The following PTPRS variants were observed in gnomAD, a reference collection of about 807,000 sequenced individuals.
PTPRS encodes receptor-type tyrosine-protein phosphatase S.
Under a neutral mutation model 215.3 loss-of-function variants are expected in PTPRS, and 63 were observed. That is an observed-to-expected ratio of 0.29 (90% CI 0.24 to 0.36). The LOEUF (loss-of-function observed/expected upper bound fraction) is 0.36, where lower values mean the gene tolerates loss of function less well. Ranked by LOEUF, PTPRS falls within the 10% of genes least tolerant of loss-of-function variation. The probability of loss-of-function intolerance (pLI) is 1.00; values close to 1 mark genes in which losing one functional copy is unlikely to be tolerated. For missense variants in PTPRS, 2,258 were observed against 2,825.8 expected, an observed-to-expected ratio of 0.80 and a Z score of 4.56; for synonymous variants, 1,404 against 1,191.4, an observed-to-expected ratio of 1.18 and a Z score of -3.68.
At chr19:5,304,340 C>T (rs894051450) in intron 1 of PTPRS, among the ~76,000 whole-genome samples, 2 of 151,982 alleles carry the variant, frequency 1.3e-5, no homozygotes, top group African/African-American at 2.4e-5. Flanking sequence ...AATAGCCAGG[C>T]GTGGTGGCAT....
At chr19:5,315,449 G>C (rs888491894) in intron 1 of PTPRS, among the ~76,000 whole-genome samples, 1 of 130,110 alleles carries the variant, frequency 7.7e-6, no homozygotes, top group Admixed American at 9.8e-5. Flanking sequence ...CCACAGCCTT[G>C]ACCTCCTGGC....
In PTPRS at chr19:5,211,992, G is replaced by T. The variant is rs150713717; in HGVS notation, c.5028C>A (p.His1676Gln). 3.7e-6 allele frequency: 6 copies of T among 1,610,974 alleles called. No individual in the cohort carries two copies. Among genetic ancestry groups the T allele is most frequent in the Non-Finnish European group, 5.1e-6 (6 of 1,179,120 alleles). ...TGAACTCGAGTTCCATGCCAGTGAC[G>T]TGTTCGCCAGGCTCCACCTGGGCCA... ...QKLAQVEPGE[H>Q]VTGMELEFKR... The change falls in exon 32 of 38, where the codon CAC (histidine) becomes CAA (glutamine). Residue 1676 changes from histidine (H) to glutamine (Q), a missense_variant. This residue lies in a region of PTPRS where 927 missense variants were observed against 1,125.9 expected (regional missense o/e 0.82). Coordinates refer to ENST00000262963, the MANE Select transcript of PTPRS (RefSeq NM_002850.4).
rs1222898882 is a variant in PTPRS, at chr19:5,210,280, C to T, written c.5487+189G>A. 6.6e-6 allele frequency among the ~76,000 whole-genome samples: 1 copy of T among 152,222 alleles called. No homozygotes were observed. The highest frequency in any genetic ancestry group is 1.5e-5 in the Non-Finnish European group (1 of 68,042). ...GTGAGTGGAGACACTGCAGGGTCAG[C>T]ACAGAGATAAGACCCTCTCTTCCAC... On this transcript the variant is annotated intron_variant, in intron 35 of 37. Transcript: ENST00000262963. The surrounding 1 kb of genome is among the most constrained non-coding windows in gnomAD (Gnocchi z 4.5).
chr19:5,224,321 G>T (rs1301985052), intron 17 of PTPRS, among the ~76,000 whole-genome samples: 1 of 151,672 alleles, frequency 6.6e-6, no homozygotes, highest in Non-Finnish European at 1.5e-5. Context: ...GCCGGCACTG[G>T]GCTAGGGGCG....
intron 1 of PTPRS, among the ~76,000 whole-genome samples, chr19:5,331,372 A>G (rs1268084418): frequency 6.6e-6 from 1 of 152,012 alleles, no homozygotes; most frequent in Non-Finnish European, 1.5e-5. Flanking sequence ...GGCTCAAGCA[A>G]TCCTCCCGCT....
intron 4 of PTPRS, among the ~76,000 whole-genome samples, chr19:5,267,924 C>T (rs1349560149): frequency 6.6e-6 from 1 of 152,100 alleles, no homozygotes; most frequent in Non-Finnish European, 1.5e-5. Flanking sequence ...AATCCCAGCA[C>T]TTTGAGAGGC....
chr19:5,238,655 C>A (rs2043697798), intron 13 of PTPRS, among the ~76,000 whole-genome samples: 1 of 152,244 alleles, frequency 6.6e-6, no homozygotes, highest in Admixed American at 6.5e-5. Context: ...AGATCAGCCA[C>A]TTCTCCTTGA....
At chr19:5,211,549 C>A in intron 33 of PTPRS, 41 bp downstream of exon 33, 2 of 1,579,478 alleles carry the variant, frequency 1.3e-6, no homozygotes, top group Non-Finnish European at 1.7e-6. Context: ...TAGAGATGGG[C>A]TCCTTCTGGG....
intron 1 of PTPRS, chr19:5,292,594 C>G (rs910075192): frequency 6.6e-6 from 1 of 152,452 alleles, no homozygotes; most frequent in African/African-American, 2.4e-5. Flanking sequence ...TTTCTTAAAG[C>G]CCCCCAACAA....
chr19:5,210,767 G>A lies in PTPRS; in HGVS notation c.5273C>T (p.Ala1758Val), dbSNP rs374377699. The change falls in exon 34 of 38, where the codon GCG becomes GTG. Residue 1758 changes from alanine to valine, a missense_variant. Physicochemically the swap from Ala to Val is moderately conservative, Grantham distance 64. Transcript: ENST00000262963. The surrounding 1 kb of genome is among the most constrained non-coding windows in gnomAD (Gnocchi z 4.5). ...GCGCCAGAAGTCTTCCGTGGTCTCC[G>A]CCAGCGGCCCCTGTGTCGCGATGTA... ...KAYIATQGPL[A>V]ETTEDFWRML... 7.4e-6 allele frequency: 12 copies of A among 1,613,964 alleles called. No individual in the cohort carries two copies. The highest frequency in any genetic ancestry group is 4.0e-5 in the African/African-American group (3 of 74,922).
chr19:5,250,829 G>T (rs1426783008), intron 9 of PTPRS, among the ~76,000 whole-genome samples: 1 of 151,412 alleles, frequency 6.6e-6, no homozygotes, highest in Non-Finnish European at 1.5e-5. Context: ...CGAGGGTAAA[G>T]GGGAGGAAGG....
Position 5,210,222 on chromosome 19 carries a change from C to T in PTPRS, c.5487+247G>A, listed in dbSNP as rs1219961182. On this transcript the variant is annotated intron_variant, in intron 35 of 37. Transcript: ENST00000262963. This position sits in a 1 kb window ranked among gnomAD's most constrained non-coding sequence, Gnocchi z 4.5. The stretch of plus-strand genomic sequence containing the variant: ...TCCAGAGGAAAGCCCCATTCACTTC[C>T]TTGAATATCATCCCCTGGGGCCATG... 6.6e-6 allele frequency among the ~76,000 whole-genome samples: 1 copy of T among 152,162 alleles called. No individual in the cohort carries two copies. Among genetic ancestry groups the T allele is most frequent in the Non-Finnish European group, 1.5e-5 (1 of 67,996 alleles).
chr19:5,228,361 A>AAAAAAAAAAAAAAAG lies in PTPRS; in HGVS notation c.2376+954_2376+955insCTTTTTTTTTTTTTT, dbSNP rs1555757601. 3.6e-3 allele frequency among the ~76,000 whole-genome samples: 520 copies of AAAAAAAAAAAAAAAG among 143,934 alleles called. 13 individuals are homozygous for AAAAAAAAAAAAAAAG. The highest frequency in any genetic ancestry group is 0.013 in the African/African-American group (498 of 37,812). 94.4% of individuals were successfully genotyped at this position (143,934 alleles called of 152,430 possible). On this transcript the variant is annotated intron_variant, in intron 16 of 37. Coordinates refer to ENST00000262963, the MANE Select transcript of PTPRS (RefSeq NM_002850.4). ...CTCCGTCTGGAGAAAAAAAAAAAAA[A>AAAAAAAAAAAAAAAG]AAGAGACAGGGTCTCCCTCTGCTGA...
chr19:5,211,324 T>A (rs4807695), intron 33 of PTPRS, among the ~76,000 whole-genome samples: 81,774 of 151,978 alleles, frequency 0.54, 22,237 homozygotes, highest in African/African-American at 0.61. Context: ...AAATAAGAAA[T>A]ATCCTCAGGG....
At chr19:5,225,882 C>G in intron 16 of PTPRS, 38 bp from the exon 17 acceptor site, 1 of 1,561,380 alleles carries the variant, frequency 6.4e-7, no homozygotes, top group Non-Finnish European at 8.8e-7. Context: ...ACGGCTGGGG[C>G]TGGGAGCAGC....
chr19:5,273,522 C>T lies in PTPRS; in HGVS notation c.299G>A (p.Arg100Gln). The T allele has an allele frequency of 1.2e-6, 2 of 1,614,178 alleles. No homozygotes were observed. Among genetic ancestry groups the T allele is most frequent in the Non-Finnish European group, 1.7e-6 (2 of 1,180,020 alleles). The stretch of plus-strand genomic sequence containing the variant: ...CACACACTCGTACACGTTTTCATCC[C>T]GCGGTGTCCTCAGCGGCTGGATCCT... Reference protein sequence around the residue: ...VLRIQPLRTPRDENVYECVAQ... With the variant: ...VLRIQPLRTPQDENVYECVAQ... Residue 100 changes from arginine to glutamine, a missense_variant, in exon 4 of 38, where the codon CGG becomes CAG. Physicochemically the swap from Arg to Gln is conservative, Grantham distance 43. Transcript: ENST00000262963.
At chr19:5,305,311 T>TG (rs2049445145) in intron 1 of PTPRS, among the ~76,000 whole-genome samples, 1 of 152,046 alleles carries the variant, frequency 6.6e-6, no homozygotes. Flanking sequence ...TTTGGGAGGC[T>TG]GAGAAAGGAG....
At chr19:5,305,189 C>T (rs1331999919) in intron 1 of PTPRS, among the ~76,000 whole-genome samples, 2 of 152,196 alleles carry the variant, frequency 1.3e-5, no homozygotes, top group Non-Finnish European at 2.9e-5. Context: ...GCTCAGTGAG[C>T]ACATCAGCTA....
chr19:5,219,408 G>C lies in PTPRS; in HGVS notation c.3825C>G (p.Pro1275=). The change falls in exon 23 of 38, where the codon CCC becomes CCG. Residue 1275 remains proline, a synonymous_variant. Transcript: ENST00000262963. The stretch of plus-strand genomic sequence containing the variant: ...TAAGCCCCTCCTCGCCATCCACGAT[G>C]GGCTGGGGGTCCGGGTTATCCAGCT... The part of the protein sequence containing the change: ...PFQLDNPDPQ[P]IVDGEEGLIW... 1 of 1,613,332 alleles carries C rather than the reference G, an allele frequency of 6.2e-7. No homozygotes were observed.
Sources: gnomAD v4.1 joint callset for allele counts (sites outside exome capture counted in the v4.1 genomes callset) on GRCh38, gnomAD v4.1.1 for gene constraint, gnomAD v4.1.1 regional missense constraint, Gnocchi (gnomAD v3.1) non-coding constraint, MANE v1.5 for transcripts, NCBI Gene and HGNC (gene_info 2026-07-23, HGNC 2026-07-21) for gene names.